The following PUM2 variants were observed in gnomAD, a reference collection of about 807,000 sequenced individuals.
The protein encoded by PUM2 is pumilio homolog 2.
In PUM2, 57 loss-of-function variants were observed where a neutral mutation model predicts 124.5. That is an observed-to-expected ratio of 0.46 (90% confidence interval 0.37 to 0.57). The LOEUF is 0.57. Ranked by LOEUF, PUM2 falls within the 20% of genes least tolerant of loss-of-function variation. The probability of loss-of-function intolerance (pLI) is 0.00; values close to 1 mark genes in which losing one functional copy is unlikely to be tolerated. For missense variants in PUM2, 1,065 were observed against 1,290.6 expected (o/e 0.83, Z 2.68); for synonymous variants, 460 against 446.1 (o/e 1.03, Z -0.39).
intron 2 of PUM2, among the ~76,000 whole-genome samples, chr2:20,325,777 A>G (rs1442823796): frequency 1.3e-5 from 2 of 152,100 alleles, no homozygotes; most frequent in East Asian, 1.9e-4. Flanking sequence ...GCCTGCCGCC[A>G]CGCCCGGCTA....
chr2:20,297,612 G>A lies in PUM2; in HGVS notation c.950C>T (p.Ala317Val). Residue 317 changes from alanine (A) to valine (V), a missense_variant, in exon 8 of 21, where the codon GCT becomes GTT. Transcript: ENST00000361078. ...FVPNPYIISA[A>V]PPGTDPYTAA... ...AGTATACGGATCGGTCCCTGGAGGA[G>A]CAGCACTAATAATGTATGGATTTGG... The A allele has an allele frequency of 1.2e-6, 2 of 1,613,182 alleles. No individual in the cohort carries two copies. The highest frequency in any genetic ancestry group is 1.7e-6 in the Non-Finnish European group (2 of 1,179,142).
intron 3 of PUM2, among the ~76,000 whole-genome samples, chr2:20,312,681 C>T (rs1679903303): frequency 6.6e-6 from 1 of 152,172 alleles, no homozygotes; most frequent in Non-Finnish European, 1.5e-5. Flanking sequence ...CCCCATCAAG[C>T]TACCACTGAC....
At chr2:20,321,603 G>A (rs1682385180) in intron 2 of PUM2, among the ~76,000 whole-genome samples, 1 of 151,820 alleles carries the variant, frequency 6.6e-6, no homozygotes, top group South Asian at 2.1e-4. Context: ...TGTAGGGGAA[G>A]GCAACAATTC....
chr2:20,286,137 G>A (rs908039329), intron 10 of PUM2, among the ~76,000 whole-genome samples: 1 of 152,198 alleles, frequency 6.6e-6, no homozygotes, highest in Admixed American at 6.5e-5. Context: ...GTTTTGAGGA[G>A]AGGAGTGAAT....
intron 9 of PUM2, among the ~76,000 whole-genome samples, chr2:20,291,514 ACAAGT>A (rs1396607507): frequency 6.6e-6 from 1 of 152,204 alleles, no homozygotes; most frequent in Non-Finnish European, 1.5e-5. Context: ...AGAATGTTGA[ACAAGT>A]CAAGTCCTCG....
chr2:20,299,995 T>C (rs1236378424), intron 7 of PUM2, among the ~76,000 whole-genome samples: 1 of 152,174 alleles, frequency 6.6e-6, no homozygotes, highest in African/African-American at 2.4e-5. Flanking sequence ...AACAGTTTTA[T>C]CATAGAGATG....
At chr2:20,301,592 T>A (rs112438625) in intron 7 of PUM2, among the ~76,000 whole-genome samples, 120 of 152,166 alleles carry the variant, frequency 7.9e-4, no homozygotes, top group African/African-American at 2.8e-3. Context: ...ACCTAGCTCA[T>A]CCTTTTTTTT....
rs778704450 is a variant in PUM2 at position 20,278,638 on chromosome 2, T to G, written c.1902A>C (p.Ser634=). ...ATGAAAGTGATGGCGGTGGCGTAAG[T>G]GAATGTCCTGGAGTTTGGCTTGGCA... ...MPLPSQTPGH[S]LTPPPSLSSH... Residue 634 remains serine (S), a synonymous_variant, in exon 13 of 21, where the codon TCA becomes TCC. Transcript: ENST00000361078. 9 of 1,613,446 alleles carry G rather than the reference T, an allele frequency of 5.6e-6. No individual in the cohort carries two copies. The highest frequency in any genetic ancestry group is 7.6e-6 in the Non-Finnish European group (9 of 1,179,660).
At chr2:20,261,394 C>CAAAAAA (rs200294801) in intron 14 of PUM2, among the ~76,000 whole-genome samples, 877 of 76,654 alleles carry the variant, frequency 0.011, 225 homozygotes, top group Non-Finnish European at 0.015. Flanking sequence ...ACTCTGTCTC[C>CAAAAAA]AAAAAAAAAA....
In PUM2 at chr2:20,253,838, T is replaced by C; in HGVS notation, c.3047A>G (p.Lys1016Arg). The change falls in exon 20 of 21, where the codon AAG becomes AGG. Residue 1016 changes from lysine (K) to arginine (R), a missense_variant. Lys to Arg is a conservative substitution (Grantham distance 26, BLOSUM62 2). Transcript: ENST00000361078. ...CTGTATTACCTTGTGCATGATTATCTTTCTCTGAGCAGGTTCAGCCATATC... is the reference window on the plus strand; with the variant it reads ...CTGTATTACCTTGTGCATGATTATCCTTCTCTGAGCAGGTTCAGCCATATC... ...MIDMAEPAQR[K>R]IIMHKIRPHI... is the part of the protein sequence containing the mutation. The C allele has an allele frequency of 1.2e-6, 2 of 1,612,756 alleles. No homozygotes were observed. Among genetic ancestry groups the C allele is most frequent in the Non-Finnish European group, 1.7e-6 (2 of 1,179,090 alleles).
chr2:20,303,318 C>T (rs1285304396), intron 7 of PUM2, among the ~76,000 whole-genome samples: 2 of 152,010 alleles, frequency 1.3e-5, no homozygotes, highest in Non-Finnish European at 2.9e-5. Context: ...TCTGGGAGCA[C>T]TGCTTGAGCC....
At chr2:20,264,894 C>T (rs1330181991) in intron 13 of PUM2, among the ~76,000 whole-genome samples, 1 of 152,176 alleles carries the variant, frequency 6.6e-6, no homozygotes, top group East Asian at 1.9e-4. Context: ...CTTTCACTTT[C>T]TGTCCCTACT....
intron 2 of PUM2, among the ~76,000 whole-genome samples, chr2:20,324,594 A>G (rs1169527193): frequency 6.6e-6 from 1 of 152,194 alleles, no homozygotes; most frequent in Admixed American, 6.5e-5. Context: ...CACTACACTA[A>G]TAAAGCAGAG....
chr2:20,349,666 T>G (rs1688924284), intron 1 of PUM2, among the ~76,000 whole-genome samples: 1 of 152,234 alleles, frequency 6.6e-6, no homozygotes. Context: ...ATTGTTTTCT[T>G]GACATACAGT....
intron 10 of PUM2, among the ~76,000 whole-genome samples, chr2:20,288,316 T>C (rs2148971706): frequency 6.6e-6 from 1 of 152,270 alleles, no homozygotes; most frequent in East Asian, 1.9e-4. Context: ...TACAAAGAGT[T>C]GGACACAGTC....
chr2:20,253,298 G>A lies in PUM2; in HGVS notation c.3063+524C>T, dbSNP rs117479862. Among the ~76,000 whole-genome samples the A allele has an allele frequency of 4.3e-4, 65 of 152,178 alleles. No homozygotes were observed. The East Asian group carries it at 7.3e-3, about 17-fold the overall frequency. Reference sequence around the variant, plus strand: ...ACAGCCCACTGTAGCCTCAACCTCCGGGACTCAGGCGATCCTCCCATCTCA... The same window carrying A: ...ACAGCCCACTGTAGCCTCAACCTCCAGGACTCAGGCGATCCTCCCATCTCA... On this transcript the variant is annotated intron_variant, in intron 20 of 20. Coordinates refer to ENST00000361078, the MANE Select transcript of PUM2 (RefSeq NM_015317.5).
In PUM2 at chr2:20,255,355, G is replaced by T; in HGVS notation, c.2623-14C>A. The T allele has an allele frequency of 1.2e-6, 2 of 1,604,124 alleles. No homozygotes were observed. The highest frequency in any genetic ancestry group is 1.1e-5 in the South Asian group (1 of 90,272). On this transcript the variant is annotated splice_polypyrimidine_tract_variant and intron_variant, in intron 17 of 20. Transcript: ENST00000361078. ...AAGCACAAATACCTGAGGACAATTA[G>T]AAGAATTAAAATTTGTATTCTCTGA...
chr2:20,307,405 A>T (rs1449680681), intron 7 of PUM2, among the ~76,000 whole-genome samples: 3 of 152,066 alleles, frequency 2.0e-5, no homozygotes, highest in Admixed American at 6.5e-5. Flanking sequence ...ACCTGATAAA[A>T]TAAAATAAAA....
At chr2:20,314,999 C>T (rs1318208102) in intron 3 of PUM2, among the ~76,000 whole-genome samples, 2 of 146,274 alleles carry the variant, frequency 1.4e-5, no homozygotes, top group Admixed American at 6.8e-5. Flanking sequence ...AGCAAAAGTA[C>T]GAAAGATGGG....
Sources: allele counts gnomAD v4.1 joint callset (sites outside exome capture counted in the v4.1 genomes callset), GRCh38; gene constraint gnomAD v4.1.1; transcripts MANE v1.5; gene names NCBI Gene and HGNC (gene_info 2026-07-23, HGNC 2026-07-21).